The following ARFGEF3 variants were observed in gnomAD, a reference collection of about 807,000 sequenced individuals.
ARFGEF3 encodes the protein ARFGEF family member 3.
Under a neutral mutation model 221.7 loss-of-function variants are expected in ARFGEF3, and 96 were observed. The ratio of observed to expected loss-of-function variants is 0.43; its 90% CI spans 0.37 to 0.51. The LOEUF (loss-of-function observed/expected upper bound fraction) is 0.51. Ranked by LOEUF, ARFGEF3 falls within the 20% of genes least tolerant of loss-of-function variation. ARFGEF3 has a pLI of 0.00. For missense variants in ARFGEF3, 2,410 were observed against 2,789.9 expected (o/e 0.86, Z 3.07); for synonymous variants, 1,145 against 1,126.8 (o/e 1.02, Z -0.32).
chr6:138,238,383 C>A (rs1039846024), intron 5 of ARFGEF3, 126 bp from the exon 6 acceptor site: 1 of 861,376 alleles, frequency 1.2e-6, no homozygotes, highest in Non-Finnish European at 1.7e-6. Flanking sequence ...TAGTAATAAC[C>A]AGTCCTAAAT....
In ARFGEF3 at chr6:138,260,955, A is replaced by C. The variant is rs145480454; in HGVS notation, c.1105-572A>C. Among the ~76,000 whole-genome samples the C allele has an allele frequency of 5.9e-5, 9 of 152,308 alleles. No homozygotes were observed. The South Asian group carries it at 1.9e-3, about 32-fold the overall frequency. On this transcript the variant is annotated intron_variant, in intron 10 of 33. Coordinates refer to ENST00000251691, the MANE Select transcript of ARFGEF3 (RefSeq NM_020340.5). ...AATGCAACTTTTAAAAAGTTGGTTC[A>C]AGAAGAAATTAAGGACCTGAATAGT...
intron 2 of ARFGEF3, among the ~76,000 whole-genome samples, chr6:138,203,766 G>A (rs1777578687): frequency 6.6e-6 from 1 of 152,108 alleles, no homozygotes; most frequent in Admixed American, 6.5e-5. Context: ...TCAGCCTCTT[G>A]AGTAGCTGGG....
At chr6:138,260,732 T>C (rs567781409) in intron 10 of ARFGEF3, among the ~76,000 whole-genome samples, 21 of 152,084 alleles carry the variant, frequency 1.4e-4, no homozygotes, top group African/African-American at 4.8e-4. Context: ...ATGTTAGGAC[T>C]GAACAGATTA....
rs1779570177 is a variant in ARFGEF3 at position 138,298,792 on chromosome 6, G to A, written c.3828+7G>A. ...TGAGGACGTCCAAGACCAGGTCAGT[G>A]TGACATGGTCATCAGCGTCATAGCT... On this transcript the variant is annotated splice_region_variant and intron_variant, in intron 22 of 33. Coordinates refer to ENST00000251691, the MANE Select transcript of ARFGEF3 (RefSeq NM_020340.5). The A allele has an allele frequency of 1.2e-6, 2 of 1,607,986 alleles. No homozygotes were observed. The highest frequency in any genetic ancestry group is 1.7e-4 in the Middle Eastern group (1 of 6,048).
chr6:138,268,549 A>G (rs1360145404), intron 12 of ARFGEF3, among the ~76,000 whole-genome samples: 1 of 152,192 alleles, frequency 6.6e-6, no homozygotes, highest in South Asian at 2.1e-4. Context: ...AAAGTTTCAT[A>G]TGGTAGGGGA....
intron 32 of ARFGEF3, among the ~76,000 whole-genome samples, chr6:138,331,522 T>C (rs1780227392): frequency 6.6e-6 from 1 of 151,828 alleles, no homozygotes; most frequent in Non-Finnish European, 1.5e-5. Context: ...CCTGGGTTGG[T>C]TTGTTTGGGT....
chr6:138,277,176 T>C, intron 12 of ARFGEF3, among the ~76,000 whole-genome samples: 1 of 152,206 alleles, frequency 6.6e-6, no homozygotes, highest in Admixed American at 6.5e-5. Context: ...CTCCAATCTA[T>C]TTTCTATTTC....
At chr6:138,319,153 T>A (rs1779977962) in intron 27 of ARFGEF3, among the ~76,000 whole-genome samples, 1 of 149,086 alleles carries the variant, frequency 6.7e-6, no homozygotes, top group Non-Finnish European at 1.5e-5. Flanking sequence ...GATTTCACAA[T>A]GTCGCCCAAG....
chr6:138,339,675 G>C lies in ARFGEF3; in HGVS notation c.*3189G>C, dbSNP rs568763047. ...TATATGGAGGGACAGAGTTCTCTCT[G>C]TCATTAATGAGGACATCGGTTTTCA... On this transcript the variant is annotated 3_prime_UTR_variant, in exon 34 of 34. Transcript: ENST00000251691. 2 of 152,188 alleles carry C rather than the reference G, an allele frequency of 1.3e-5. No homozygotes were observed. Among genetic ancestry groups the C allele is most frequent in the Non-Finnish European group, 2.9e-5 (2 of 68,060 alleles). 9.4% of individuals were successfully genotyped at this position (152,188 alleles called of 1,614,324 possible).
At chr6:138,213,022 C>T (rs920716267) in intron 4 of ARFGEF3, among the ~76,000 whole-genome samples, 15 of 151,736 alleles carry the variant, frequency 9.9e-5, no homozygotes, top group African/African-American at 2.9e-4. Context: ...AAAAAAATAC[C>T]GCACGCCTGT....
chr6:138,333,355 T>C (rs534266246), intron 32 of ARFGEF3, among the ~76,000 whole-genome samples: 1 of 152,314 alleles, frequency 6.6e-6, no homozygotes, highest in East Asian at 1.9e-4. Flanking sequence ...AACTGTGATA[T>C]CTTTTGATGT....
At chr6:138,323,085 T>G (rs1780062811) in intron 29 of ARFGEF3, among the ~76,000 whole-genome samples, 1 of 151,898 alleles carries the variant, frequency 6.6e-6, no homozygotes, top group East Asian at 1.9e-4. Flanking sequence ...GGAACTAGAA[T>G]CCAAAAATCA....
intron 22 of ARFGEF3, among the ~76,000 whole-genome samples, chr6:138,299,065 T>G (rs900957357): frequency 6.6e-6 from 1 of 151,452 alleles, no homozygotes; most frequent in Non-Finnish European, 1.5e-5. Flanking sequence ...AGGTGTGGTG[T>G]TGCACGCCTG....
intron 12 of ARFGEF3, among the ~76,000 whole-genome samples, chr6:138,267,048 C>G (rs982217228): frequency 6.6e-6 from 1 of 152,056 alleles, no homozygotes; most frequent in African/African-American, 2.4e-5. Flanking sequence ...GCAGAGAGCC[C>G]AGCAAACATT....
At position 138,326,018 on chromosome 6, in the gene ARFGEF3, A is replaced by T. The variant is rs1280350888; in HGVS notation, c.5001+1864A>T. Among the ~76,000 whole-genome samples, 8 of 152,002 alleles carry T rather than the reference A, an allele frequency of 5.3e-5. No homozygotes were observed. In the East Asian group the frequency reaches 1.5e-3, roughly 29 times the overall value. On this transcript the variant is annotated intron_variant, in intron 31 of 33. Transcript: ENST00000251691. ...ATTACAGGTGTGCACCACCACACCC[A>T]GCTAATTTTTGCATTTTTAGCAGAG...
At chr6:138,314,464 C>A (rs552327006) in intron 26 of ARFGEF3, among the ~76,000 whole-genome samples, 2 of 152,124 alleles carry the variant, frequency 1.3e-5, no homozygotes, top group Non-Finnish European at 2.9e-5. Context: ...TTCTCACATG[C>A]GGAATACATT....
intron 30 of ARFGEF3, 90 bp downstream of exon 30, chr6:138,323,863 T>G: frequency 6.5e-7 from 1 of 1,543,222 alleles, no homozygotes; most frequent in Non-Finnish European, 8.9e-7. Flanking sequence ...GGGTTCTGCC[T>G]CCTCTGAGCA....
rs1334598078 is a variant in ARFGEF3 at position 138,338,456 on chromosome 6, T to C, written c.*1970T>C. 2.0e-5 allele frequency: 3 copies of C among 152,208 alleles called. No individual in the cohort carries two copies. Among genetic ancestry groups the C allele is most frequent in the Admixed American group, 6.6e-5 (1 of 15,266 alleles). 9.4% of individuals were successfully genotyped at this position (152,208 alleles called of 1,614,324 possible). A position where few individuals can be genotyped will look rare whatever the true frequency, so the allele number is the denominator to read the frequency against. On this transcript the variant is annotated 3_prime_UTR_variant, in exon 34 of 34. Transcript: ENST00000251691. The stretch of plus-strand genomic sequence containing the variant: ...AGGCTAGAATTACAGTATTTATACA[T>C]AGCAACTTTTCATAAAGTAGAAAAA...
chr6:138,174,271 A>G (rs1776894037), intron 2 of ARFGEF3, among the ~76,000 whole-genome samples: 1 of 152,102 alleles, frequency 6.6e-6, no homozygotes, highest in Non-Finnish European at 1.5e-5. Context: ...AATCAATACT[A>G]GTCTGATTTA....
Sources: allele counts gnomAD v4.1 joint callset (sites outside exome capture counted in the v4.1 genomes callset), GRCh38; gene constraint gnomAD v4.1.1; transcripts MANE v1.5; gene names NCBI Gene and HGNC (gene_info 2026-07-23, HGNC 2026-07-21).